Variants in KANK2 observed in about 807,000 individuals in gnomAD.
KANK2 encodes the protein KN motif and ankyrin repeat domain-containing protein 2.
A neutral mutation model predicts 74.6 loss-of-function variants in KANK2; 41 were observed. The observed-to-expected ratio is 0.55, with a 90% CI of 0.43 to 0.71. The LOEUF is 0.71. Among genes scored for constraint, KANK2 ranks in the 30% least tolerant of loss-of-function variants. KANK2 has a pLI of 0.00. For synonymous variants in KANK2, 537 were observed against 519.0 expected (o/e 1.03, Z -0.47); for missense variants, 1,148 against 1,196.4 (o/e 0.96, Z 0.60).
chr19:11,194,181 G>C (rs2078948662), intron 3 of KANK2, 139 bp from the exon 4 acceptor site: 2 of 913,160 alleles, frequency 2.2e-6, no homozygotes, highest in Non-Finnish European at 3.2e-6. Flanking sequence ...TCTGCTCTCA[G>C]ACCCTCCAGA....
intron 9 of KANK2, among the ~76,000 whole-genome samples, chr19:11,174,237 G>A (rs1810141094): frequency 6.6e-6 from 1 of 152,160 alleles, no homozygotes; most frequent in African/African-American, 2.4e-5. Context: ...CATTGAACTG[G>A]GAAGGTGCCG....
Position 11,178,358 on chromosome 19 carries a change from C to G in KANK2, c.1507G>C (p.Gly503Arg). Residue 503 changes from glycine (G) to arginine (R), a missense_variant, in exon 6 of 13, where the codon GGG (glycine) becomes CGG (arginine). Physicochemically the swap from Gly to Arg is moderately radical, Grantham distance 125. Transcript: ENST00000586659. ...TAHRRSLQFVGVNGGYESSSE... is the reference protein window; with the variant it reads ...TAHRRSLQFVRVNGGYESSSE... ...TTCTCCTCTCACCCGCCGTTGACCC[C>G]CACGAACTGGAGGCTCCTCCGGTGG... 4 of 1,524,932 alleles carry G rather than the reference C, an allele frequency of 2.6e-6. No individual in the cohort carries two copies. The highest frequency in any genetic ancestry group is 3.5e-6 in the Non-Finnish European group (4 of 1,142,076). 94.5% of individuals were successfully genotyped at this position (1,524,932 alleles called of 1,614,324 possible).
At chr19:11,194,344 C>T (rs1243788761) in intron 3 of KANK2, 131 bp downstream of exon 3, 2 of 737,912 alleles carry the variant, frequency 2.7e-6, no homozygotes, top group East Asian at 2.6e-5. Flanking sequence ...AGGACTCTGC[C>T]TCCTCCCTCA....
chr19:11,193,125 G>A lies in KANK2; in HGVS notation c.955C>T (p.Pro319Ser), dbSNP rs2078904563. 6.2e-7 allele frequency: 1 copy of A among 1,606,074 alleles called. No individual in the cohort carries two copies. The highest frequency in any genetic ancestry group is 8.5e-7 in the Non-Finnish European group (1 of 1,175,972). ...RQADPQPQAW[P>S]PPDSPVRVDT... ...ACGCGGACCGGGCTGTCCGGCGGTG[G>A]CCAGGCCTGGGGCTGGGGGTCAGCC... The change falls in exon 4 of 13, where the codon CCA becomes TCA. Residue 319 changes from proline to serine, a missense_variant. By Grantham distance (74) the Pro-to-Ser change is moderately conservative. Coordinates refer to ENST00000586659, the MANE Select transcript of KANK2 (RefSeq NM_001136191.3). This position sits in a 1 kb window ranked among gnomAD's most constrained non-coding sequence, Gnocchi z 9.6.
intron 10 of KANK2, among the ~76,000 whole-genome samples, chr19:11,172,722 A>G (rs1568642670): frequency 6.6e-6 from 1 of 152,052 alleles, no homozygotes; most frequent in Non-Finnish European, 1.5e-5. Context: ...TTCAGTCCCC[A>G]GTTTTCGGCC....
At chr19:11,176,196 A>G (rs2078331560) in intron 7 of KANK2, among the ~76,000 whole-genome samples, 1 of 152,160 alleles carries the variant, frequency 6.6e-6, no homozygotes, top group South Asian at 2.1e-4. Context: ...GTGGACACAC[A>G]AGCCAAAGTT....
intron 7 of KANK2, 133 bp downstream of exon 7, chr19:11,176,445 C>T (rs138932368): frequency 3.2e-4 from 335 of 1,032,940 alleles, no homozygotes; most frequent in Non-Finnish European, 4.5e-4. Context: ...GGAGCAAGTG[C>T]TCGTTTGCTA....
At chr19:11,186,314 G>A (rs573746416) in intron 4 of KANK2, among the ~76,000 whole-genome samples, 8 of 151,402 alleles carry the variant, frequency 5.3e-5, no homozygotes, top group African/African-American at 1.9e-4. Context: ...CTTGAACCTG[G>A]GAGGCGGAGG....
At chr19:11,166,738 AGGTGGC>A in intron 12 of KANK2, 127 bp from the exon 13 acceptor site, 1 of 812,304 alleles carries the variant, frequency 1.2e-6, no homozygotes, top group East Asian at 2.6e-5. Context: ...GGCCCCAAGG[AGGTGGC>A]GATCTGGGGG....
At chr19:11,181,088 CAAAAAAAAAAAAAA>C (rs752985367) in intron 4 of KANK2, among the ~76,000 whole-genome samples, 4 of 24,112 alleles carry the variant, frequency 1.7e-4, no homozygotes, top group Non-Finnish European at 3.1e-4. Flanking sequence ...CTCTTGTCTC[CAAAAAAAAAAAAAA>C]AAAAAAAAAA....
chr19:11,182,526 T>TAAAA (rs35598796), intron 4 of KANK2, among the ~76,000 whole-genome samples: 4 of 100,476 alleles, frequency 4.0e-5, no homozygotes, highest in Non-Finnish European at 6.6e-5. Context: ...ACCCTATCTT[T>TAAAA]AAAAAAAAAA....
chr19:11,193,402 G>C lies in KANK2; in HGVS notation c.678C>G (p.Leu226=). The change falls in exon 4 of 13, where the codon CTC becomes CTG. Residue 226 remains leucine, a synonymous_variant. Coordinates refer to ENST00000586659, the MANE Select transcript of KANK2 (RefSeq NM_001136191.3). The surrounding 1 kb of genome is among the most constrained non-coding windows in gnomAD (Gnocchi z 9.6). ...ACTTCTGGCTCTTAAGTTGTACTGT[G>C]AGCTGCCGCTTTTCCTCCTGGAGCA... ...LSVLQEEKRQ[L]TVQLKSQKFL... 1 of 1,612,808 alleles carries C rather than the reference G, an allele frequency of 6.2e-7. No homozygotes were observed.
chr19:11,171,764 C>T (rs896762448), intron 10 of KANK2, among the ~76,000 whole-genome samples: 21 of 151,588 alleles, frequency 1.4e-4, no homozygotes, highest in Non-Finnish European at 2.4e-4. Context: ...CTGCAACCTC[C>T]GCCTCCTGGG....
rs1352725457 is a variant in KANK2, at chr19:11,194,605, C to A, written c.-79-15G>T. ...CTGAGGCTTACCTGGGGAAAGAGAA[C>A]CACGGCGCCGGGAGTTAGGAGTCTG... On this transcript the variant is annotated splice_polypyrimidine_tract_variant and intron_variant, in intron 2 of 12. Transcript: ENST00000586659. The A allele has an allele frequency of 8.8e-6, 9 of 1,023,768 alleles. No individual in the cohort carries two copies. The highest frequency in any genetic ancestry group is 1.2e-5 in the Non-Finnish European group (8 of 652,070). 63.4% of individuals were successfully genotyped at this position (1,023,768 alleles called of 1,614,324 possible).
chr19:11,178,282 TGC>T (rs2078402343), intron 6 of KANK2, 61 bp downstream of exon 6: 2 of 1,133,442 alleles, frequency 1.8e-6, no homozygotes, highest in South Asian at 3.7e-5. Context: ...GAGGCTCTCG[TGC>T]GTGGATGAAT....
chr19:11,173,776 A>G (rs1307838930), intron 9 of KANK2, among the ~76,000 whole-genome samples: 1 of 151,916 alleles, frequency 6.6e-6, no homozygotes, highest in Non-Finnish European at 1.5e-5. Flanking sequence ...AGTCTCTGCT[A>G]TCAGACTAGG....
In KANK2 at chr19:11,168,101, C is replaced by T. The variant is rs972273213; in HGVS notation, c.2503-1490G>A. Among the ~76,000 whole-genome samples, 11 of 147,562 alleles carry T rather than the reference C, an allele frequency of 7.5e-5. No homozygotes were observed. The East Asian group carries it at 2.1e-3, about 28-fold the overall frequency. ...CACTGCAACCTCCACCTCCTGGGTT[C>T]AAGTGATTCTCCCGCCTAAGCCTCC... On this transcript the variant is annotated intron_variant, in intron 12 of 12. Transcript: ENST00000586659.
chr19:11,188,459 C>T (rs2078740318), intron 4 of KANK2, among the ~76,000 whole-genome samples: 1 of 151,708 alleles, frequency 6.6e-6, no homozygotes, highest in African/African-American at 2.4e-5. Context: ...CCCACTTTGG[C>T]CTCCCAAAGT....
chr19:11,165,401 G>T lies in KANK2; in HGVS notation c.*1157C>A, dbSNP rs1045173811. On this transcript the variant is annotated 3_prime_UTR_variant, in exon 13 of 13. Transcript: ENST00000586659. ...AGAGAAATTCTGGAGTCCCGGGGAG[G>T]AACAGGACGGCCCTGTGACCATAGT... 1.3e-5 allele frequency: 2 copies of T among 152,166 alleles called. No homozygotes were observed. Among genetic ancestry groups the T allele is most frequent in the African/African-American group, 4.8e-5 (2 of 41,444 alleles). The allele number at this position is 152,166 out of a possible 1,614,324, so 9.4% of individuals were successfully genotyped here. A position where few individuals can be genotyped will look rare whatever the true frequency, so the allele number is the denominator to read the frequency against.
Sources: allele counts gnomAD v4.1 joint callset (sites outside exome capture counted in the v4.1 genomes callset), GRCh38; gene constraint gnomAD v4.1.1; non-coding constraint Gnocchi (gnomAD v3.1); transcripts MANE v1.5; gene names NCBI Gene and HGNC (gene_info 2026-07-23, HGNC 2026-07-21).